SLC47A2: variants seen among roughly 807,000 people sequenced by gnomAD.
SLC47A2 encodes solute carrier family 47 member 2, also known as multidrug and toxin extrusion protein 2.
Under a neutral mutation model 67.7 loss-of-function variants are expected in SLC47A2, and 52 were observed. The observed-to-expected ratio is 0.77, with a 90% CI of 0.61 to 0.97. The LOEUF (loss-of-function observed/expected upper bound fraction) is 0.97, where lower values mean the gene tolerates loss of function less well. SLC47A2 is among the 50% of genes least tolerant of loss of function. The probability of loss-of-function intolerance (pLI) is 0.00; values close to 1 mark genes in which losing one functional copy is unlikely to be tolerated. For synonymous variants in SLC47A2, 278 were observed against 292.9 expected, an observed-to-expected ratio of 0.95 and a Z score of 0.52; for missense variants, 676 against 712.3, an observed-to-expected ratio of 0.95 and a Z score of 0.58.
In SLC47A2 at chr17:19,704,131, A is replaced by G. The variant is rs1250165826; in HGVS notation, c.957T>C (p.Ala319=). Residue 319 remains alanine (A), a synonymous_variant, in exon 11 of 17, where the codon GCT becomes GCC. Transcript: ENST00000433844. The part of the protein sequence containing the change: ...SIGVCVRVGM[A]LGAADTVQAK... ...CCTGCACAGTATCCGCAGCCCCCAG[A>G]GCCATCCCCACTCGGACACAGACCC... 6.2e-7 allele frequency: 1 copy of G among 1,612,526 alleles called. No individual in the cohort carries two copies. The highest frequency in any genetic ancestry group is 2.2e-5 in the East Asian group (1 of 44,858).
rs1479725086 is a variant in SLC47A2, at chr17:19,696,218, C to T, written c.1164+6387G>A. Among the ~76,000 whole-genome samples, 13 of 148,338 alleles carry T rather than the reference C, an allele frequency of 8.8e-5. No homozygotes were observed. The South Asian group carries it at 1.1e-3, about 12-fold the overall frequency. ...CTGTAATCCCAGCACTTTGGGAGGC[C>T]GAGGTGGGCAGATCATGAGATCAGG... On this transcript the variant is annotated intron_variant, in intron 13 of 16. Coordinates refer to ENST00000433844, the MANE Select transcript of SLC47A2 (RefSeq NM_001099646.3).
At chr17:19,694,773 G>A (rs1045269542) in intron 13 of SLC47A2, among the ~76,000 whole-genome samples, 7 of 151,910 alleles carry the variant, frequency 4.6e-5, no homozygotes, top group South Asian at 4.2e-4. Flanking sequence ...AAAATTAGCC[G>A]GACGAGGTGG....
chr17:19,678,952 G>A, intron 16 of SLC47A2, 46 bp from the exon 17 acceptor site: 2 of 1,519,958 alleles, frequency 1.3e-6, no homozygotes, highest in Non-Finnish European at 1.8e-6. Flanking sequence ...GGGGTCAGAG[G>A]GAGAGCTTTG....
chr17:19,689,624 G>A (rs2085498283), intron 13 of SLC47A2, among the ~76,000 whole-genome samples: 1 of 151,416 alleles, frequency 6.6e-6, no homozygotes, highest in Non-Finnish European at 1.5e-5. Context: ...CTGAGCTCAG[G>A]AGGTCAAGGC....
intron 4 of SLC47A2, among the ~76,000 whole-genome samples, chr17:19,713,278 C>T (rs909861592): frequency 6.6e-6 from 1 of 152,028 alleles, no homozygotes; most frequent in African/African-American, 2.4e-5. Flanking sequence ...GTCCCAGCTA[C>T]TCAGGAGGCT....
At chr17:19,679,873 G>A in intron 16 of SLC47A2, 79 bp downstream of exon 16, 1 of 1,377,622 alleles carries the variant, frequency 7.3e-7, no homozygotes, top group Non-Finnish European at 1.0e-6. Context: ...AATTGCATGA[G>A]GCACAGAGGG....
At chr17:19,711,208 C>T (rs2086084378) in intron 5 of SLC47A2, among the ~76,000 whole-genome samples, 1 of 152,146 alleles carries the variant, frequency 6.6e-6, no homozygotes, top group Admixed American at 6.5e-5. Flanking sequence ...ATAAGAAGTA[C>T]AATACTTAGA....
At chr17:19,696,653 G>A (rs2085671682) in intron 13 of SLC47A2, among the ~76,000 whole-genome samples, 1 of 152,198 alleles carries the variant, frequency 6.6e-6, no homozygotes, top group Non-Finnish European at 1.5e-5. Flanking sequence ...CTGACACCTT[G>A]ATTTAGGATA....
At chr17:19,692,004 C>G (rs150741377) in intron 13 of SLC47A2, among the ~76,000 whole-genome samples, 1 of 152,050 alleles carries the variant, frequency 6.6e-6, no homozygotes, top group Non-Finnish European at 1.5e-5. Context: ...CCTAGGTGGG[C>G]AGATCATAAG....
rs548630194 is a variant in SLC47A2 at position 19,696,547 on chromosome 17, A to G, written c.1164+6058T>C. On this transcript the variant is annotated intron_variant, in intron 13 of 16. Transcript: ENST00000433844. Reference sequence around the variant, plus strand: ...AGAGACAGGGAAAAGATGACCATCTACAATCCAAGAAACCCCTGAGGCTAC... The same window carrying G: ...AGAGACAGGGAAAAGATGACCATCTGCAATCCAAGAAACCCCTGAGGCTAC... Among the ~76,000 whole-genome samples the G allele has an allele frequency of 2.6e-5, 4 of 152,230 alleles. No homozygotes were observed. In the South Asian group the frequency reaches 8.3e-4, roughly 32 times the overall value.
chr17:19,704,593 G>A, intron 10 of SLC47A2: 1 of 1,419,836 alleles, frequency 7.0e-7, no homozygotes, highest in East Asian at 2.5e-5. Flanking sequence ...ATTTTGTAAT[G>A]TAGATTTTTG....
chr17:19,711,496 G>A (rs1225658718), intron 5 of SLC47A2, among the ~76,000 whole-genome samples: 1 of 144,398 alleles, frequency 6.9e-6, no homozygotes, highest in African/African-American at 2.5e-5. Flanking sequence ...GGAGGCTGAG[G>A]CAGAATTGCT....
intron 13 of SLC47A2, among the ~76,000 whole-genome samples, chr17:19,699,513 G>T (rs1044767777): frequency 1.3e-5 from 2 of 151,712 alleles, no homozygotes; most frequent in Non-Finnish European, 2.9e-5. Flanking sequence ...CCCAAGTAGC[G>T]AAGACTATAG....
chr17:19,703,053 A>G (rs747306249), intron 12 of SLC47A2, 39 bp downstream of exon 12: 1 of 1,589,534 alleles, frequency 6.3e-7, no homozygotes, highest in Non-Finnish European at 8.6e-7. Context: ...AACCACTTTG[A>G]CATTTTCCAA....
At chr17:19,709,793 A>C (rs1332952580) in intron 5 of SLC47A2, among the ~76,000 whole-genome samples, 1 of 152,182 alleles carries the variant, frequency 6.6e-6, no homozygotes, top group African/African-American at 2.4e-5. Flanking sequence ...CTTGACAAAG[A>C]AGACACCACA....
intron 11 of SLC47A2, 99 bp from the exon 12 acceptor site, chr17:19,703,266 C>G: frequency 9.2e-7 from 1 of 1,090,954 alleles, no homozygotes; most frequent in South Asian, 1.3e-5. Context: ...TGCAAGTCAG[C>G]CCAGCCCTCT....
At chr17:19,708,905 G>T (rs950792710) in intron 5 of SLC47A2, 145 bp from the exon 6 acceptor site, 3 of 1,043,646 alleles carry the variant, frequency 2.9e-6, no homozygotes, top group Non-Finnish European at 4.2e-6. Flanking sequence ...CTCAGGTGCG[G>T]CCAAAGCCTA....
intron 10 of SLC47A2, chr17:19,704,807 G>A (rs113548008): frequency 0.016 from 10,674 of 680,810 alleles, 139 homozygotes; most frequent in Non-Finnish European, 0.019. Context: ...GTGGCCTGCT[G>A]CTCGATGGAA....
chr17:19,700,676 G>A (rs994610006), intron 13 of SLC47A2, among the ~76,000 whole-genome samples: 1 of 150,892 alleles, frequency 6.6e-6, no homozygotes, highest in African/African-American at 2.4e-5. Context: ...GAGGTAGGAG[G>A]ATTGCTTGGG....
Sources: allele counts gnomAD v4.1 joint callset (sites outside exome capture counted in the v4.1 genomes callset), GRCh38; gene constraint gnomAD v4.1.1; transcripts MANE v1.5; gene names NCBI Gene and HGNC (gene_info 2026-07-23, HGNC 2026-07-21).